Variants in IRF2 observed in about 807,000 individuals in gnomAD.
IRF2 encodes the protein interferon regulatory factor 2.
A neutral mutation model predicts 40.6 loss-of-function variants in IRF2; 15 were observed. The ratio of observed to expected loss-of-function variants is 0.37; its 90% CI spans 0.25 to 0.57. The LOEUF (loss-of-function observed/expected upper bound fraction) is 0.57. Ranked by LOEUF, IRF2 falls within the 20% of genes least tolerant of loss-of-function variation. The probability of loss-of-function intolerance (pLI) is 0.77; values close to 1 mark genes in which losing one functional copy is unlikely to be tolerated. For missense variants in IRF2, 317 were observed against 455.7 expected, an observed-to-expected ratio of 0.70 and a Z score of 2.77; for synonymous variants, 151 against 165.5, an observed-to-expected ratio of 0.91 and a Z score of 0.67.
At chr4:184,450,948 G>A (rs1481098782) in intron 1 of IRF2, among the ~76,000 whole-genome samples, 1 of 151,872 alleles carries the variant, frequency 6.6e-6, no homozygotes, top group South Asian at 2.1e-4. Context: ...CCTCCTCCAC[G>A]GAAGCCCTGG....
In IRF2 at chr4:184,413,084, C is replaced by T. The variant is rs1383891438; in HGVS notation, c.412-4809G>A. On this transcript the variant is annotated intron_variant, in intron 5 of 8. Transcript: ENST00000393593. The surrounding 1 kb of genome is among the most constrained non-coding windows in gnomAD (Gnocchi z 4.2). The stretch of plus-strand genomic sequence containing the variant: ...AAACGCCGGGGCCTCCTCTTTAGGC[C>T]GCTCTTATCTGCATCCTCCGTACCC... 6.6e-6 allele frequency among the ~76,000 whole-genome samples: 1 copy of T among 152,172 alleles called. No individual in the cohort carries two copies. The highest frequency in any genetic ancestry group is 6.5e-5 in the Admixed American group (1 of 15,282).
intron 1 of IRF2, among the ~76,000 whole-genome samples, chr4:184,462,075 TAAGA>T (rs988359659): frequency 7.9e-5 from 12 of 152,194 alleles, no homozygotes; most frequent in African/African-American, 2.9e-4. Context: ...CCCAGCATCC[TAAGA>T]AAGAGCCAAT....
intron 5 of IRF2, among the ~76,000 whole-genome samples, chr4:184,412,131 G>A (rs185681529): frequency 2.1e-4 from 32 of 151,932 alleles, no homozygotes; most frequent in Non-Finnish European, 3.1e-4. Flanking sequence ...ATTGATCTAC[G>A]TGGGTGCATG....
intron 1 of IRF2, among the ~76,000 whole-genome samples, chr4:184,465,672 G>A (rs1739292665): frequency 6.6e-6 from 1 of 152,126 alleles, no homozygotes; most frequent in Admixed American, 6.5e-5. Context: ...AACGCTGCTC[G>A]AAAACACGAG....
At chr4:184,397,410 A>G (rs1433040179) in intron 7 of IRF2, among the ~76,000 whole-genome samples, 1 of 152,194 alleles carries the variant, frequency 6.6e-6, no homozygotes, top group Non-Finnish European at 1.5e-5. Context: ...AACGTTCTGG[A>G]GGTGGATGCT....
chr4:184,407,198 A>G, intron 6 of IRF2: 1 of 1,289,444 alleles, frequency 7.8e-7, no homozygotes, highest in Non-Finnish European at 1.0e-6. Context: ...AGGCCAGCGG[A>G]GGCCTGTCAG....
At chr4:184,405,549 C>T (rs1447928386) in intron 6 of IRF2, among the ~76,000 whole-genome samples, 4 of 152,148 alleles carry the variant, frequency 2.6e-5, no homozygotes, top group African/African-American at 4.8e-5. Context: ...TGCCAGACCC[C>T]GGGGACCTGG....
chr4:184,426,131 T>TC (rs1406861037), intron 2 of IRF2, among the ~76,000 whole-genome samples: 46 of 152,306 alleles, frequency 3.0e-4, no homozygotes, highest in Non-Finnish European at 5.9e-5. Flanking sequence ...TTCTCTTGCC[T>TC]CAGCCTCCCA....
intron 1 of IRF2, among the ~76,000 whole-genome samples, chr4:184,450,095 A>G (rs1322886827): frequency 6.6e-6 from 1 of 152,252 alleles, no homozygotes; most frequent in Non-Finnish European, 1.5e-5. Context: ...TACACATACC[A>G]TATACCACAA....
At chr4:184,426,597 G>A (rs1244768631) in intron 2 of IRF2, among the ~76,000 whole-genome samples, 2 of 152,150 alleles carry the variant, frequency 1.3e-5, no homozygotes, top group Non-Finnish European at 2.9e-5. Flanking sequence ...GTTAGGATGT[G>A]GACATATCTT....
At chr4:184,425,369 G>A (rs893220578) in intron 2 of IRF2, among the ~76,000 whole-genome samples, 2 of 152,266 alleles carry the variant, frequency 1.3e-5, no homozygotes, top group African/African-American at 4.8e-5. Flanking sequence ...GGTATGGAGA[G>A]AAGAGATCCT....
intron 7 of IRF2, among the ~76,000 whole-genome samples, chr4:184,397,543 A>T (rs974144286): frequency 6.6e-6 from 1 of 152,098 alleles, no homozygotes; most frequent in Non-Finnish European, 1.5e-5. Context: ...AAAAAAAAAG[A>T]AAGTTGGCAT....
intron 1 of IRF2, among the ~76,000 whole-genome samples, chr4:184,435,586 G>A (rs547499442): frequency 3.2e-4 from 49 of 152,296 alleles, no homozygotes; most frequent in Non-Finnish European, 5.9e-4. Flanking sequence ...AGATCTAGGA[G>A]AAAAAGAAAC....
intron 1 of IRF2, among the ~76,000 whole-genome samples, chr4:184,432,718 A>T (rs945422264): frequency 2.0e-5 from 3 of 152,300 alleles, no homozygotes; most frequent in Admixed American, 6.5e-5. Flanking sequence ...ACAGAGAAGA[A>T]TGCCGCGTGA....
In IRF2 at chr4:184,408,634, G is replaced by A. The variant is rs1336257373; in HGVS notation, c.412-359C>T. ...ATTCTACACTCTCCTCCTCTGAGGG[G>A]GTGCTCAAAAGAATCAATGCCTGGC... On this transcript the variant is annotated intron_variant, in intron 5 of 8. Coordinates refer to ENST00000393593, the MANE Select transcript of IRF2 (RefSeq NM_002199.4). This position sits in a 1 kb window ranked among gnomAD's most constrained non-coding sequence, Gnocchi z 4.9. Among the ~76,000 whole-genome samples, 1 of 152,188 alleles carries A rather than the reference G, an allele frequency of 6.6e-6. No individual in the cohort carries two copies. The highest frequency in any genetic ancestry group is 1.9e-4 in the East Asian group (1 of 5,198).
At chr4:184,425,339 A>G (rs577888281) in intron 2 of IRF2, among the ~76,000 whole-genome samples, 1 of 152,368 alleles carries the variant, frequency 6.6e-6, no homozygotes, top group Non-Finnish European at 1.5e-5. Context: ...ACCTATAAAA[A>G]AATGCCCTGT....
At chr4:184,394,029 G>A (rs1736355803) in intron 7 of IRF2, among the ~76,000 whole-genome samples, 1 of 152,180 alleles carries the variant, frequency 6.6e-6, no homozygotes, top group South Asian at 2.1e-4. Flanking sequence ...CTTTTGATTA[G>A]TTTGAATTTG....
chr4:184,417,226 G>C (rs1269094292), intron 5 of IRF2, among the ~76,000 whole-genome samples: 4 of 152,104 alleles, frequency 2.6e-5, no homozygotes, highest in Non-Finnish European at 5.9e-5. Flanking sequence ...TTACTCAACT[G>C]TCTCCTTCCT....
intron 5 of IRF2, among the ~76,000 whole-genome samples, chr4:184,414,017 C>T (rs989938123): frequency 6.6e-6 from 1 of 152,204 alleles, no homozygotes; most frequent in Non-Finnish European, 1.5e-5. Context: ...ACGAGGCACC[C>T]GGTGGACAAA....
Sources: gnomAD v4.1 joint callset for allele counts (sites outside exome capture counted in the v4.1 genomes callset) on GRCh38, gnomAD v4.1.1 for gene constraint, Gnocchi (gnomAD v3.1) non-coding constraint, MANE v1.5 for transcripts, NCBI Gene and HGNC (gene_info 2026-07-23, HGNC 2026-07-21) for gene names.